LSG1: variants seen among roughly 807,000 people sequenced by gnomAD.
LSG1 encodes large 60S subunit nuclear export GTPase 1, also known as large subunit GTPase 1 homolog.
In LSG1, 55 loss-of-function variants were observed where a neutral mutation model predicts 82.6. The ratio of observed to expected loss-of-function variants is 0.67; its 90% CI spans 0.54 to 0.83. The LOEUF is 0.83. Ranked by LOEUF, LSG1 falls within the 40% of genes least tolerant of loss-of-function variation. The probability of loss-of-function intolerance (pLI) is 0.00; values close to 1 mark genes in which losing one functional copy is unlikely to be tolerated. For missense variants in LSG1, 809 were observed against 807.9 expected (o/e 1.00, Z -0.02); for synonymous variants, 272 against 282.5 (o/e 0.96, Z 0.37).
chr3:194,661,730 C>A (rs1435822688), intron 5 of LSG1, among the ~76,000 whole-genome samples: 1 of 152,186 alleles, frequency 6.6e-6, no homozygotes, highest in East Asian at 1.9e-4. Context: ...TGGCGGCAGT[C>A]ATTTTTAAAT....
rs189640810 is a variant in LSG1 at position 194,648,459 on chromosome 3, G to A, written c.1543+222C>T. Among the ~76,000 whole-genome samples, 329 of 152,206 alleles carry A rather than the reference G, an allele frequency of 2.2e-3. 2 individuals are homozygous for A. The highest frequency in any genetic ancestry group is 7.7e-3 in the Admixed American group (118 of 15,286). ...TACGATGAGAACCCCTGTGCTGCAC[G>A]TGGGTACCATCAAAGCAGCAAACGT... On this transcript the variant is annotated intron_variant, in intron 11 of 13. Coordinates refer to ENST00000265245, the MANE Select transcript of LSG1 (RefSeq NM_018385.3).
Position 194,663,856 on chromosome 3 carries a change from C to T in LSG1, c.521+1701G>A, listed in dbSNP as rs946472622. On this transcript the variant is annotated intron_variant, in intron 5 of 13. Transcript: ENST00000265245. ...TTGCCTTGCTTCTCTGACCTCCCCG[C>T]ATCCCAGCCCAAGAGCCCTTTCTGT... Among the ~76,000 whole-genome samples the T allele has an allele frequency of 2.5e-4, 38 of 152,312 alleles. 4 individuals are homozygous for T. Among genetic ancestry groups the T allele is most frequent in the Admixed American group, 1.8e-3 (27 of 15,302 alleles).
intron 2 of LSG1, among the ~76,000 whole-genome samples, chr3:194,669,427 T>C (rs1719098411): frequency 6.6e-6 from 1 of 152,170 alleles, no homozygotes; most frequent in Non-Finnish European, 1.5e-5. Flanking sequence ...CTTAAAGCCC[T>C]GTAAAGCCTT....
chr3:194,654,590 A>G (rs1718754520), intron 7 of LSG1, among the ~76,000 whole-genome samples: 1 of 152,336 alleles, frequency 6.6e-6, no homozygotes, highest in South Asian at 2.1e-4. Flanking sequence ...ATGGTAAATG[A>G]GCAGCGAAGG....
In LSG1 at chr3:194,644,601, T is replaced by C. The variant is rs1262798074; in HGVS notation, c.1769A>G (p.Asn590Ser). Residue 590 changes from asparagine (N) to serine (S), a missense_variant, in exon 13 of 14, where the codon AAT becomes AGT. Coordinates refer to ENST00000265245, the MANE Select transcript of LSG1 (RefSeq NM_018385.3). ...ATGGAAAAAAGTTTTGTCAACGATA[T>C]TTTCAATCTGCTTTGCTTTTTTATT... ...GRNKKAKQIE[N>S]IVDKTFFHQE... 12 of 1,611,520 alleles carry C rather than the reference T, an allele frequency of 7.4e-6. No individual in the cohort carries two copies. The highest frequency in any genetic ancestry group is 1.0e-5 in the Non-Finnish European group (12 of 1,179,268).
chr3:194,658,549 T>C (rs1307644074), intron 7 of LSG1, among the ~76,000 whole-genome samples: 1 of 152,210 alleles, frequency 6.6e-6, no homozygotes, highest in Non-Finnish European at 1.5e-5. Flanking sequence ...TAATTTAGGG[T>C]TACTTAGTTT....
chr3:194,656,313 C>CA (rs1718788646), intron 7 of LSG1, among the ~76,000 whole-genome samples: 1 of 144,954 alleles, frequency 6.9e-6, no homozygotes, highest in African/African-American at 2.5e-5. Context: ...AAGAAAAAAA[C>CA]AACCCCATCA....
At chr3:194,643,358 T>G (rs1718438249) in intron 13 of LSG1, among the ~76,000 whole-genome samples, 1 of 152,232 alleles carries the variant, frequency 6.6e-6, no homozygotes, top group Non-Finnish European at 1.5e-5. Flanking sequence ...GATATGGGAC[T>G]TGTATCCAGA....
chr3:194,671,201 C>T (rs887601358), intron 1 of LSG1, among the ~76,000 whole-genome samples: 2 of 152,182 alleles, frequency 1.3e-5, no homozygotes, highest in African/African-American at 4.8e-5. Context: ...GGATCCAATT[C>T]TTTACCATTC....
chr3:194,649,313 T>C (rs963272424), intron 10 of LSG1, among the ~76,000 whole-genome samples: 1 of 152,192 alleles, frequency 6.6e-6, no homozygotes, highest in Non-Finnish European at 1.5e-5. Flanking sequence ...GCCATCTCTA[T>C]TTATGCCCTA....
chr3:194,645,519 C>CACACAGACAG (rs1718508317), intron 12 of LSG1: 1 of 51,974 alleles, frequency 1.9e-5, no homozygotes, highest in African/African-American at 6.2e-5. Context: ...CACACACACA[C>CACACAGACAG]ACACACACAC....
Position 194,665,487 on chromosome 3 carries a change from A to G in LSG1, c.521+70T>C, listed in dbSNP as rs1267914758. On this transcript the variant is annotated intron_variant, in intron 5 of 13. Transcript: ENST00000265245. ...TCCCATACCCTGAGCCTATAAGCCT[A>G]TATCAACAGCCAAATCGAATATAAC... is the stretch of plus-strand genomic sequence containing the variant. The G allele has an allele frequency of 1.4e-5, 16 of 1,142,904 alleles. 1 individual carries two copies. Among genetic ancestry groups the G allele is most frequent in the Middle Eastern group, 2.0e-4 (1 of 5,114 alleles). The allele number at this position is 1,142,904 out of a possible 1,614,324, so 70.8% of individuals were successfully genotyped here. A position where few individuals can be genotyped will look rare whatever the true frequency, so the allele number is the denominator to read the frequency against.
At chr3:194,667,704 A>C (rs964987534) in intron 2 of LSG1, among the ~76,000 whole-genome samples, 6 of 151,480 alleles carry the variant, frequency 4.0e-5, no homozygotes, top group African/African-American at 1.5e-4. Context: ...TGGGCGGATC[A>C]CAAGGTCACG....
intron 7 of LSG1, among the ~76,000 whole-genome samples, chr3:194,653,658 T>C (rs188807035): frequency 1.2e-4 from 19 of 152,230 alleles, no homozygotes; most frequent in Admixed American, 1.1e-3. Context: ...GAGGGGAGAA[T>C]TGGACCTTCC....
At chr3:194,667,937 AAAAAAATAT>A (rs1719063119) in intron 2 of LSG1, among the ~76,000 whole-genome samples, 1 of 105,802 alleles carries the variant, frequency 9.5e-6, no homozygotes, top group Admixed American at 9.4e-5. Flanking sequence ...AAAAAAAAAA[AAAAAAATAT>A]ATATATATAT....
intron 1 of LSG1, 32 bp from the exon 2 acceptor site, chr3:194,670,167 T>A: frequency 6.2e-7 from 1 of 1,609,186 alleles, no homozygotes; most frequent in Non-Finnish European, 8.5e-7. Flanking sequence ...TAAATACAGC[T>A]GCTCTCTTCT....
At chr3:194,651,516 C>A in intron 8 of LSG1, 1 of 359,888 alleles carries the variant, frequency 2.8e-6, no homozygotes, top group Non-Finnish European at 5.1e-6. Context: ...CCTCACTGCC[C>A]CATCTACAGA....
At chr3:194,650,809 A>T in intron 10 of LSG1, 72 bp downstream of exon 10, 7 of 1,490,498 alleles carry the variant, frequency 4.7e-6, no homozygotes, top group Non-Finnish European at 6.3e-6. Context: ...TGAATCCCTC[A>T]AATGCCCAAA....
At chr3:194,657,096 T>A (rs1300890254) in intron 7 of LSG1, among the ~76,000 whole-genome samples, 1 of 151,268 alleles carries the variant, frequency 6.6e-6, no homozygotes, top group African/African-American at 2.4e-5. Context: ...CATGTATATA[T>A]ACGTAACAAA....
Sources: allele counts gnomAD v4.1 joint callset (sites outside exome capture counted in the v4.1 genomes callset), GRCh38; gene constraint gnomAD v4.1.1; transcripts MANE v1.5; gene names NCBI Gene and HGNC (gene_info 2026-07-23, HGNC 2026-07-21).